GALNT2: variants seen among roughly 807,000 people sequenced by gnomAD.
GALNT2 encodes the protein UDP-GalNAc:polypeptide N-acetylgalactosaminyltransferase 2.
Under a neutral mutation model 81.4 loss-of-function variants are expected in GALNT2, and 31 were observed. That is an observed-to-expected ratio of 0.38 (90% confidence interval 0.29 to 0.51). The LOEUF is 0.51. Ranked by LOEUF, GALNT2 falls within the 20% of genes least tolerant of loss-of-function variation. The pLI is 0.87. For synonymous variants in GALNT2, 303 were observed against 287.4 expected (o/e 1.05, Z -0.55); for missense variants, 629 against 765.7 (o/e 0.82, Z 2.11).
chr1:230,083,407 G>A (rs977733915), intron 1 of GALNT2, among the ~76,000 whole-genome samples: 12 of 145,714 alleles, frequency 8.2e-5, no homozygotes, highest in African/African-American at 2.8e-4. Flanking sequence ...AGCAGGGAGC[G>A]GGATGATGGA....
At chr1:230,209,937 G>A (rs1016608208) in intron 3 of GALNT2, among the ~76,000 whole-genome samples, 1 of 152,174 alleles carries the variant, frequency 6.6e-6, no homozygotes, top group African/African-American at 2.4e-5. Flanking sequence ...TGGGAGGACC[G>A]GCCAGCCAGA....
At chr1:230,194,808 C>T (rs763505637) in intron 2 of GALNT2, among the ~76,000 whole-genome samples, 2 of 152,200 alleles carry the variant, frequency 1.3e-5, no homozygotes, top group Non-Finnish European at 2.9e-5. Context: ...TAGCAGCTTC[C>T]GGGCTGGGCC....
intron 1 of GALNT2, among the ~76,000 whole-genome samples, chr1:230,158,605 G>A (rs1338073570): frequency 1.3e-5 from 2 of 152,210 alleles, no homozygotes; most frequent in Non-Finnish European, 2.9e-5. Context: ...CAGGGCCACG[G>A]AACTGGAGAT....
intron 1 of GALNT2, among the ~76,000 whole-genome samples, chr1:230,111,684 A>G (rs1660709165): frequency 6.6e-6 from 1 of 152,208 alleles, no homozygotes; most frequent in South Asian, 2.1e-4. Flanking sequence ...GTTGCGTTAA[A>G]TTAATTGTCA....
chr1:230,171,620 G>T (rs1290975211), intron 1 of GALNT2, among the ~76,000 whole-genome samples: 2 of 152,100 alleles, frequency 1.3e-5, no homozygotes, highest in African/African-American at 4.8e-5. Flanking sequence ...TTTATTTTCT[G>T]TTTTCTCCCG....
intron 10 of GALNT2, among the ~76,000 whole-genome samples, chr1:230,252,843 C>CTTTTTTTTTT (rs58544942): frequency 0.012 from 950 of 78,906 alleles, 122 homozygotes; most frequent in African/African-American, 0.024. Context: ...GAGACAACTT[C>CTTTTTTTTTT]TTTTTTTTTT....
intron 1 of GALNT2, among the ~76,000 whole-genome samples, chr1:230,111,679 GTTAAA>G (rs1336099726): frequency 6.6e-6 from 1 of 152,184 alleles, no homozygotes; most frequent in Non-Finnish European, 1.5e-5. Flanking sequence ...AGCTTGTTGC[GTTAAA>G]TTAATTGTCA....
At chr1:230,173,153 A>T (rs1371012188) in intron 1 of GALNT2, among the ~76,000 whole-genome samples, 1 of 152,240 alleles carries the variant, frequency 6.6e-6, no homozygotes, top group African/African-American at 2.4e-5. Flanking sequence ...GAAGACTTAG[A>T]GTTCTCTTTC....
intron 1 of GALNT2, among the ~76,000 whole-genome samples, chr1:230,106,379 G>A (rs950674166): frequency 3.3e-5 from 5 of 152,168 alleles, no homozygotes; most frequent in Non-Finnish European, 7.3e-5. Context: ...GGCCTGGAAT[G>A]AATACCTAAA....
chr1:230,084,274 G>C (rs1339478351), intron 1 of GALNT2, among the ~76,000 whole-genome samples: 1 of 152,164 alleles, frequency 6.6e-6, no homozygotes, highest in Non-Finnish European at 1.5e-5. Flanking sequence ...AGAGTGTGAA[G>C]TGGGGCTCCA....
At chr1:230,229,522 A>G (rs1664810370) in intron 3 of GALNT2, among the ~76,000 whole-genome samples, 1 of 152,188 alleles carries the variant, frequency 6.6e-6, no homozygotes, top group African/African-American at 2.4e-5. Flanking sequence ...TAAGTTGGCT[A>G]TGTCAGGTCA....
intron 5 of GALNT2, 100 bp from the exon 6 acceptor site, chr1:230,236,560 G>A (rs1665039009): frequency 9.8e-6 from 14 of 1,421,968 alleles, no homozygotes; most frequent in Admixed American, 9.3e-5. Flanking sequence ...GATGCCCCAA[G>A]GAGATAATCG....
At chr1:230,227,408 C>G (rs1488712316) in intron 3 of GALNT2, among the ~76,000 whole-genome samples, 1 of 150,666 alleles carries the variant, frequency 6.6e-6, no homozygotes. Context: ...AAATCCTAAA[C>G]CAAATACTAG....
At chr1:230,136,523 T>C (rs1397222636) in intron 1 of GALNT2, among the ~76,000 whole-genome samples, 1 of 152,068 alleles carries the variant, frequency 6.6e-6, no homozygotes, top group Non-Finnish European at 1.5e-5. Context: ...ATGCACCCCC[T>C]CACTGCCCCC....
intron 1 of GALNT2, among the ~76,000 whole-genome samples, chr1:230,122,339 T>C (rs1661041581): frequency 6.6e-6 from 1 of 152,168 alleles, no homozygotes; most frequent in South Asian, 2.1e-4. Flanking sequence ...CTCCATGAGA[T>C]TGAGGTTCAG....
At chr1:230,179,383 T>C (rs1663087855) in intron 2 of GALNT2, among the ~76,000 whole-genome samples, 1 of 152,226 alleles carries the variant, frequency 6.6e-6, no homozygotes, top group East Asian at 1.9e-4. Flanking sequence ...GCTAAGTTGT[T>C]TTCCAAAGTG....
In GALNT2 at chr1:230,236,080, A is replaced by G; in HGVS notation, c.441A>G (p.Glu147=). The change falls in exon 4 of 16, where the codon GAA becomes GAG. Residue 147 remains glutamate, a synonymous_variant. Transcript: ENST00000366672. ...GCGTGGTGATCACGTTTCACAATGAAGCCAGGTCGGCCCTACTCAGGACCG... is the reference window on the plus strand; with the variant it reads ...GCGTGGTGATCACGTTTCACAATGAGGCCAGGTCGGCCCTACTCAGGACCG... ...ATSVVITFHN[E]ARSALLRTVV... 6.2e-7 allele frequency: 1 copy of G among 1,614,074 alleles called. No individual in the cohort carries two copies. Among genetic ancestry groups the G allele is most frequent in the Non-Finnish European group, 8.5e-7 (1 of 1,180,016 alleles).
chr1:230,075,614 A>G (rs1659522593), intron 1 of GALNT2, among the ~76,000 whole-genome samples: 1 of 152,078 alleles, frequency 6.6e-6, no homozygotes, highest in Admixed American at 6.5e-5. Flanking sequence ...GCACTGCTTG[A>G]GTGTTTGGGA....
chr1:230,235,213 C>CAAAA (rs10532058), intron 3 of GALNT2, among the ~76,000 whole-genome samples: 2 of 76,730 alleles, frequency 2.6e-5, no homozygotes, highest in African/African-American at 4.9e-5. Flanking sequence ...GACCCTGTCT[C>CAAAA]AAAAAAAAAA....
Sources: allele counts gnomAD v4.1 joint callset (sites outside exome capture counted in the v4.1 genomes callset), GRCh38; gene constraint gnomAD v4.1.1; transcripts MANE v1.5; gene names NCBI Gene and HGNC (gene_info 2026-07-23, HGNC 2026-07-21).